The following SPPL2B variants were observed in gnomAD, a reference collection of about 807,000 sequenced individuals.
The protein encoded by SPPL2B is signal peptide peptidase like 2B, also known as signal peptide peptidase-like 2B.
SPPL2B carries 39 observed loss-of-function variants against 59.7 expected under a neutral mutation model. The ratio of observed to expected loss-of-function variants is 0.65; its 90% CI spans 0.51 to 0.85. The LOEUF (loss-of-function observed/expected upper bound fraction) is 0.85. SPPL2B is among the 40% of genes least tolerant of loss of function. The probability of loss-of-function intolerance (pLI) is 0.00; values close to 1 mark genes in which losing one functional copy is unlikely to be tolerated. For synonymous variants in SPPL2B, 419 were observed against 370.8 expected, an observed-to-expected ratio of 1.13 and a Z score of -1.49; for missense variants, 865 against 849.0, an observed-to-expected ratio of 1.02 and a Z score of -0.23.
intron 2 of SPPL2B, among the ~76,000 whole-genome samples, chr19:2,336,002 T>A (rs960894487): frequency 5.3e-5 from 8 of 152,200 alleles, no homozygotes; most frequent in Non-Finnish European, 1.2e-4. Context: ...TCAACACATG[T>A]AATAGGTATG....
Position 2,352,877 on chromosome 19 carries a change from C to T in SPPL2B, c.1516-69C>T, listed in dbSNP as rs1039881852. On this transcript the variant is annotated intron_variant, in intron 14 of 14. Transcript: ENST00000613503. ...CCCGTGGCCTGCGGGTGCTGGGTGTCCTGGCCCCTGCCAGGGTCCTCCTCT... is the reference window on the plus strand; with the variant it reads ...CCCGTGGCCTGCGGGTGCTGGGTGTTCTGGCCCCTGCCAGGGTCCTCCTCT... 11 of 1,569,136 alleles carry T rather than the reference C, an allele frequency of 7.0e-6. No individual in the cohort carries two copies. In the Admixed American group the frequency reaches 2.0e-4, roughly 28 times the overall value.
At position 2,353,268 on chromosome 19, in the gene SPPL2B, C is replaced by T. The variant is rs567280629; in HGVS notation, c.*59C>T. The T allele has an allele frequency of 1.4e-5, 22 of 1,538,018 alleles. No homozygotes were observed. The East Asian group carries it at 2.5e-4, about 17-fold the overall frequency. The stretch of plus-strand genomic sequence containing the variant: ...ACACCAAGATGTTGGGGCTGCCTGG[C>T]GCCCACTGGAGACAGACAGACAGAC... On this transcript the variant is annotated 3_prime_UTR_variant, in exon 15 of 15. Coordinates refer to ENST00000613503, the MANE Select transcript of SPPL2B (RefSeq NM_152988.3).
chr19:2,335,961 GT>G (rs372727521), intron 2 of SPPL2B, among the ~76,000 whole-genome samples: 17 of 150,238 alleles, frequency 1.1e-4, no homozygotes, highest in East Asian at 5.8e-4. Flanking sequence ...GTGCCTGAGT[GT>G]TTTTTTGTGT....
chr19:2,351,551 G>A lies in SPPL2B; in HGVS notation c.1472G>A (p.Trp491Ter). ...TLVTSCAVALWRRELGVFWTG... is the reference protein window; with the variant it reads ...TLVTSCAVAL ...GTGACGAGCTGCGCTGTGGCGCTCT[G>A]GCGCCGGGAGCTGGGCGTGTTCTGG... Residue 491 changes from tryptophan (W) to a stop codon, truncating the protein, a stop_gained, in exon 14 of 15, where the codon TGG becomes TAG. Transcript: ENST00000613503. LOFTEE classifies it low-confidence loss of function (END_TRUNC). 6.2e-7 allele frequency: 1 copy of A among 1,611,334 alleles called. No individual in the cohort carries two copies. The highest frequency in any genetic ancestry group is 8.5e-7 in the Non-Finnish European group (1 of 1,179,352).
chr19:2,341,467 T>C (rs1568440475), intron 8 of SPPL2B: 1 of 445,932 alleles, frequency 2.2e-6, no homozygotes, highest in East Asian at 7.1e-5. Context: ...CAGGCACTGC[T>C]CCCCCCACGC....
In SPPL2B at chr19:2,349,301, C is replaced by A. The variant is rs111313277; in HGVS notation, c.1355-2133C>A. ...TCTCATTCGCTTGATTCCGTTCTCTCTCCACACACACGCGCTCTCATTCGC... is the reference window on the plus strand; with the variant it reads ...TCTCATTCGCTTGATTCCGTTCTCTATCCACACACACGCGCTCTCATTCGC... On this transcript the variant is annotated intron_variant, in intron 13 of 14. Transcript: ENST00000613503. 1.7e-3 allele frequency among the ~76,000 whole-genome samples: 210 copies of A among 124,826 alleles called. 3 individuals carry two copies. Among genetic ancestry groups the A allele is most frequent in the African/African-American group, 7.1e-3 (201 of 28,282 alleles). The allele number at this position is 124,826 out of a possible 152,430, so 81.9% of individuals were successfully genotyped here.
rs1968799819 is a variant in SPPL2B, at chr19:2,338,665, C to T, written c.370-87C>T. 5.6e-6 allele frequency: 5 copies of T among 897,092 alleles called. No homozygotes were observed. The Admixed American group carries it at 1.1e-4, about 19-fold the overall frequency. 55.6% of individuals were successfully genotyped at this position (897,092 alleles called of 1,614,324 possible). A position where few individuals can be genotyped will look rare whatever the true frequency, so the allele number is the denominator to read the frequency against. ...CCTGACCCGAGCCTCGAGTGAGGGTCCCAGGAGAGGAGGCGAATGGGCACA... is the reference window on the plus strand; with the variant it reads ...CCTGACCCGAGCCTCGAGTGAGGGTTCCAGGAGAGGAGGCGAATGGGCACA... On this transcript the variant is annotated intron_variant, in intron 3 of 14. Transcript: ENST00000613503.
At chr19:2,351,885 G>A (rs914991570) in intron 14 of SPPL2B, among the ~76,000 whole-genome samples, 5 of 151,848 alleles carry the variant, frequency 3.3e-5, no homozygotes, top group Admixed American at 6.6e-5. Context: ...CGGGGGTGCC[G>A]GCTGGGACTC....
At position 2,337,539 on chromosome 19, in the gene SPPL2B, CGG is replaced by C; in HGVS notation, c.287_288del (p.Gly96GlufsTer6). 1 of 1,612,886 alleles carries C rather than the reference CGG, an allele frequency of 6.2e-7. No individual in the cohort carries two copies. Among genetic ancestry groups the C allele is most frequent in the Non-Finnish European group, 8.5e-7 (1 of 1,179,666 alleles). ...CAGCAACCAGATCCCGCTGGTGGCG[CGG>C]GGGAACTGCACCTTCTATGAGAAAG... Reference protein sequence around the residue: ...GFSNQIPLVARGNCTFYEKVR... With the variant: ...GFSNQIPLVAXGNCTFYEKVR... On this transcript the variant is annotated frameshift_variant, in exon 3 of 15. Coordinates refer to ENST00000613503, the MANE Select transcript of SPPL2B (RefSeq NM_152988.3). LOFTEE classifies it high-confidence loss of function.
At chr19:2,331,223 C>G (rs975073964) in intron 1 of SPPL2B, among the ~76,000 whole-genome samples, 11 of 151,748 alleles carry the variant, frequency 7.2e-5, no homozygotes, top group African/African-American at 2.7e-4. Flanking sequence ...GGGAGGCTCT[C>G]CCCGCCTGGA....
Position 2,338,856 on chromosome 19 carries a change from G to T in SPPL2B, c.459+15G>T. ...ACATCTTCACGGTAGGTCTGCGCCGGCTCAGACCCACGCTCCCGAGGAGAT... is the reference window on the plus strand; with the variant it reads ...ACATCTTCACGGTAGGTCTGCGCCGTCTCAGACCCACGCTCCCGAGGAGAT... On this transcript the variant is annotated intron_variant, in intron 4 of 14. Transcript: ENST00000613503. The T allele has an allele frequency of 6.2e-7, 1 of 1,610,860 alleles. No individual in the cohort carries two copies. Among genetic ancestry groups the T allele is most frequent in the East Asian group, 2.2e-5 (1 of 44,850 alleles).
Position 2,343,384 on chromosome 19 carries a change from G to A in SPPL2B, c.1038+92G>A. 4 of 1,094,328 alleles carry A rather than the reference G, an allele frequency of 3.7e-6. No homozygotes were observed. In the South Asian group the frequency reaches 5.4e-5, roughly 15 times the overall value. The allele number at this position is 1,094,328 out of a possible 1,614,324, so 67.8% of individuals were successfully genotyped here. A position where few individuals can be genotyped will look rare whatever the true frequency, so the allele number is the denominator to read the frequency against. Reference sequence around the variant, plus strand: ...CCGTGTGGGGCTGTGGTCCTTGCAGGTCTGTGCTCCTGCTCACTGCCCTGG... The same window carrying A: ...CCGTGTGGGGCTGTGGTCCTTGCAGATCTGTGCTCCTGCTCACTGCCCTGG... On this transcript the variant is annotated intron_variant, in intron 9 of 14. Transcript: ENST00000613503.
At chr19:2,343,826 G>C in intron 9 of SPPL2B, 139 bp from the exon 10 acceptor site, 1 of 641,082 alleles carries the variant, frequency 1.6e-6, no homozygotes, top group Non-Finnish European at 2.8e-6. Context: ...CTCCTGCGTG[G>C]TGCGTCCCTG....
At chr19:2,352,587 G>C (rs1320828513) in intron 14 of SPPL2B, among the ~76,000 whole-genome samples, 1 of 152,154 alleles carries the variant, frequency 6.6e-6, no homozygotes, top group East Asian at 1.9e-4. Flanking sequence ...CCTGGGGCCA[G>C]CACCCCCACC....
At chr19:2,339,338 C>T (rs909714114) in intron 5 of SPPL2B, 130 bp downstream of exon 5, 12 of 1,083,326 alleles carry the variant, frequency 1.1e-5, no homozygotes, top group Admixed American at 2.5e-5. Flanking sequence ...TGGAGCCCTT[C>T]GTTTCTTCCT....
chr19:2,336,811 G>A (rs1390878067), intron 2 of SPPL2B, among the ~76,000 whole-genome samples: 7 of 149,878 alleles, frequency 4.7e-5, no homozygotes, highest in South Asian at 2.1e-4. Flanking sequence ...GTGTGTGCGC[G>A]CTGGCCTGGC....
At chr19:2,348,814 G>T (rs1165575403) in intron 13 of SPPL2B, among the ~76,000 whole-genome samples, 1 of 114,850 alleles carries the variant, frequency 8.7e-6, no homozygotes, top group African/African-American at 3.6e-5. Flanking sequence ...ACACACTCGT[G>T]TTCTCATTCG....
intron 13 of SPPL2B, among the ~76,000 whole-genome samples, chr19:2,345,855 C>T (rs1283067182): frequency 1.3e-5 from 2 of 150,780 alleles, no homozygotes; most frequent in Non-Finnish European, 2.9e-5. Context: ...CTCATTCTCC[C>T]TGGGCCTGTG....
chr19:2,348,484 C>T, intron 13 of SPPL2B, among the ~76,000 whole-genome samples: 1 of 146,612 alleles, frequency 6.8e-6, no homozygotes, highest in Admixed American at 6.8e-5. Flanking sequence ...GTTCTCTCTC[C>T]ACACACACTC....
Sources: allele counts gnomAD v4.1 joint callset (sites outside exome capture counted in the v4.1 genomes callset), GRCh38; gene constraint gnomAD v4.1.1; transcripts MANE v1.5; gene names NCBI Gene and HGNC (gene_info 2026-07-23, HGNC 2026-07-21).